Variants in MACROD2 observed in about 807,000 individuals in gnomAD.
The protein encoded by MACROD2 is mono-ADP ribosylhydrolase 2.
In MACROD2, 36 loss-of-function variants were observed where a neutral mutation model predicts 70.4. That is an observed-to-expected ratio of 0.51 (90% CI 0.39 to 0.68). The LOEUF is 0.68. Among genes scored for constraint, MACROD2 ranks in the 30% least tolerant of loss-of-function variants. The pLI, the probability that MACROD2 is intolerant of heterozygous loss-of-function variation, is 0.00. For missense variants in MACROD2, 496 were observed against 538.4 expected (o/e 0.92, Z 0.78); for synonymous variants, 172 against 178.8 (o/e 0.96, Z 0.30).
chr20:14,177,294 A>C (rs2081270218), intron 3 of MACROD2, among the ~76,000 whole-genome samples: 3 of 126,084 alleles, frequency 2.4e-5, no homozygotes, highest in South Asian at 5.6e-4. Flanking sequence ...AAAATAGGAG[A>C]TATCTTCTTT....
At chr20:15,539,784 G>A (rs188039010) in intron 8 of MACROD2, among the ~76,000 whole-genome samples, 49 of 152,280 alleles carry the variant, frequency 3.2e-4, no homozygotes, top group African/African-American at 9.1e-4. Context: ...TCAGGAGATC[G>A]AGACCATCCT....
At chr20:14,472,699 G>A (rs1261440077) in intron 3 of MACROD2, among the ~76,000 whole-genome samples, 1 of 152,210 alleles carries the variant, frequency 6.6e-6, no homozygotes, top group African/African-American at 2.4e-5. Context: ...TAGAAAAGGT[G>A]TTACAGAGGG....
intron 3 of MACROD2, among the ~76,000 whole-genome samples, chr20:14,160,383 C>T (rs1188357238): frequency 1.3e-5 from 2 of 152,306 alleles, no homozygotes; most frequent in African/African-American, 2.4e-5. Flanking sequence ...CTTGTTACTA[C>T]TGACTCAATC....
At chr20:15,461,006 A>ATATATATATATATATATATTTTTTTTT in intron 7 of MACROD2, among the ~76,000 whole-genome samples, 22 of 66,982 alleles carry the variant, frequency 3.3e-4, no homozygotes, top group African/African-American at 8.4e-4. Context: ...ATATATATAT[A>ATATATATATATATATATATTTTTTTTT]TTTTTTTTTA....
intron 8 of MACROD2, among the ~76,000 whole-genome samples, chr20:15,813,279 GCTA>G (rs1173126290): frequency 6.6e-6 from 1 of 152,120 alleles, no homozygotes; most frequent in Non-Finnish European, 1.5e-5. Flanking sequence ...TACACGTCTT[GCTA>G]CTTCTTAAGC....
At chr20:14,598,199 C>T (rs1416082609) in intron 4 of MACROD2, among the ~76,000 whole-genome samples, 1 of 152,126 alleles carries the variant, frequency 6.6e-6, no homozygotes, top group East Asian at 1.9e-4. Context: ...AAAAATTCTT[C>T]CTGCTTAAGA....
chr20:14,873,773 C>A (rs1204807413), intron 5 of MACROD2, among the ~76,000 whole-genome samples: 1 of 152,050 alleles, frequency 6.6e-6, no homozygotes, highest in Non-Finnish European at 1.5e-5. Flanking sequence ...GCAGGAGAAT[C>A]GCTTGAACCC....
intron 8 of MACROD2, among the ~76,000 whole-genome samples, chr20:15,711,706 C>G (rs1249398513): frequency 6.6e-6 from 1 of 152,168 alleles, no homozygotes; most frequent in African/African-American, 2.4e-5. Context: ...TACATTCCTA[C>G]CAGCATACAC....
chr20:14,324,017 C>T (rs1157340766), intron 3 of MACROD2: 2 of 152,026 alleles, frequency 1.3e-5, no homozygotes, highest in African/African-American at 4.8e-5. Context: ...AATTTTTAGC[C>T]AACTTTTATT....
intron 8 of MACROD2, among the ~76,000 whole-genome samples, chr20:15,633,481 A>T (rs1006274635): frequency 6.6e-6 from 1 of 152,208 alleles, no homozygotes; most frequent in South Asian, 2.1e-4. Context: ...GCCATTCAGG[A>T]TAAGTGTTTT....
At chr20:15,812,493 A>C (rs1453256582) in intron 8 of MACROD2, among the ~76,000 whole-genome samples, 1 of 152,118 alleles carries the variant, frequency 6.6e-6, no homozygotes, top group Non-Finnish European at 1.5e-5. Flanking sequence ...GAGCTTTCAG[A>C]GATGTGGATA....
chr20:14,528,542 A>G (rs1320578711), intron 4 of MACROD2, among the ~76,000 whole-genome samples: 1 of 152,012 alleles, frequency 6.6e-6, no homozygotes. Flanking sequence ...CTCTCTGTCT[A>G]CTACTTTTAG....
At chr20:15,096,839 T>A (rs1338746698) in intron 5 of MACROD2, among the ~76,000 whole-genome samples, 3 of 95,698 alleles carry the variant, frequency 3.1e-5, no homozygotes, top group African/African-American at 1.3e-4. Flanking sequence ...TGAGTTGGAG[T>A]CTCACTCTGT....
intron 10 of MACROD2, chr20:15,893,872 A>G (rs1269704551): frequency 2.2e-6 from 1 of 456,720 alleles, no homozygotes; most frequent in African/African-American, 2.0e-5. Context: ...GAAATGGGCA[A>G]TGGAGCAGGA....
At chr20:15,864,660 A>G (rs1241067774) in intron 9 of MACROD2, among the ~76,000 whole-genome samples, 2 of 152,146 alleles carry the variant, frequency 1.3e-5, no homozygotes, top group African/African-American at 2.4e-5. Context: ...ATATATTAAT[A>G]CTTATGCAAA....
At chr20:14,910,615 G>A (rs1316890768) in intron 5 of MACROD2, among the ~76,000 whole-genome samples, 1 of 152,102 alleles carries the variant, frequency 6.6e-6, no homozygotes, top group Non-Finnish European at 1.5e-5. Context: ...GAGCTCTGTG[G>A]TCCCTGATCC....
At chr20:14,274,111 T>C (rs2082226509) in intron 3 of MACROD2, among the ~76,000 whole-genome samples, 1 of 151,972 alleles carries the variant, frequency 6.6e-6, no homozygotes, top group Non-Finnish European at 1.5e-5. Flanking sequence ...TTCCAATCAA[T>C]AGAAGAAGAG....
At chr20:15,056,634 A>T (rs413677) in intron 5 of MACROD2, among the ~76,000 whole-genome samples, 76,279 of 149,466 alleles carry the variant, frequency 0.51, 20,645 homozygotes, top group African/African-American at 0.72. Flanking sequence ...TTAGCTGTTT[A>T]AAAAAAAAAA....
intron 3 of MACROD2, among the ~76,000 whole-genome samples, chr20:14,460,684 G>C (rs1161720713): frequency 6.6e-6 from 1 of 151,976 alleles, no homozygotes; most frequent in Non-Finnish European, 1.5e-5. Flanking sequence ...ATAATCATGT[G>C]GTTTTTGTCA....
Sources: gnomAD v4.1 joint callset for allele counts (sites outside exome capture counted in the v4.1 genomes callset) on GRCh38, gnomAD v4.1.1 for gene constraint, MANE v1.5 for transcripts, NCBI Gene and HGNC (gene_info 2026-07-23, HGNC 2026-07-21) for gene names.